Variants in PRKG1 observed in about 807,000 individuals in gnomAD.
PRKG1 encodes the protein cGMP-dependent protein kinase 1.
A neutral mutation model predicts 88.1 loss-of-function variants in PRKG1; 35 were observed. The ratio of observed to expected loss-of-function variants is 0.40; its 90% CI spans 0.30 to 0.53. The LOEUF (loss-of-function observed/expected upper bound fraction) is 0.53, where lower values mean the gene tolerates loss of function less well. Among genes scored for constraint, PRKG1 ranks in the 20% least tolerant of loss-of-function variants. PRKG1 has a pLI of 0.59. For synonymous variants in PRKG1, 303 were observed against 292.5 expected, an observed-to-expected ratio of 1.04 and a Z score of -0.37; for missense variants, 540 against 839.8, an observed-to-expected ratio of 0.64 and a Z score of 4.41.
intron 5 of PRKG1, among the ~76,000 whole-genome samples, chr10:51,936,718 C>T (rs1842807184): frequency 6.6e-6 from 1 of 151,946 alleles, no homozygotes; most frequent in Admixed American, 6.6e-5. Flanking sequence ...GGCTTAAAAA[C>T]AATTTTTTTA....
chr10:51,827,239 T>C (rs1472447954), intron 4 of PRKG1, among the ~76,000 whole-genome samples: 1 of 152,182 alleles, frequency 6.6e-6, no homozygotes, highest in Non-Finnish European at 1.5e-5. Context: ...CTGACAAGAT[T>C]ATCATACAAA....
intron 9 of PRKG1, among the ~76,000 whole-genome samples, chr10:52,171,877 A>C (rs112626889): frequency 0.04 from 5,395 of 133,310 alleles, 385 homozygotes; most frequent in African/African-American, 0.15. Context: ...ATCTCGGCTC[A>C]CTGCAAGCTC....
chr10:51,334,144 C>G (rs1841808746), intron 2 of PRKG1, among the ~76,000 whole-genome samples: 1 of 95,874 alleles, frequency 1.0e-5, no homozygotes, highest in South Asian at 4.4e-4. Context: ...CTTTCTTTCT[C>G]TCTCTCTTTC....
chr10:51,153,137 C>T (rs760614805), intron 1 of PRKG1, 27 bp from the exon 2 acceptor site: 1 of 1,603,562 alleles, frequency 6.2e-7, no homozygotes, highest in African/African-American at 1.3e-5. Context: ...TCAGATGTGC[C>T]AGTAAATCTT....
intron 2 of PRKG1, among the ~76,000 whole-genome samples, chr10:51,231,441 T>G (rs1477733968): frequency 6.6e-6 from 1 of 152,180 alleles, no homozygotes; most frequent in African/African-American, 2.4e-5. Context: ...GGCTGTCCCC[T>G]GAGGAGGAGG....
At chr10:51,212,455 A>G (rs1838248820) in intron 2 of PRKG1, among the ~76,000 whole-genome samples, 1 of 152,212 alleles carries the variant, frequency 6.6e-6, no homozygotes. Context: ...CAAAAGCCAA[A>G]ATTGACAAAT....
chr10:51,316,480 A>G (rs7917698), intron 2 of PRKG1, among the ~76,000 whole-genome samples: 45,565 of 151,832 alleles, frequency 0.3, 8,427 homozygotes, highest in African/African-American at 0.53. Context: ...TCAGGAGTTC[A>G]AGACCAGCCT....
rs140871298 is a variant in PRKG1, at chr10:51,153,247, A to G, written c.395A>G (p.Asp132Gly). 2.3e-5 allele frequency: 37 copies of G among 1,612,466 alleles called. No homozygotes were observed. The highest frequency in any genetic ancestry group is 5.0e-5 in the Admixed American group (3 of 59,836). ...LELSQIQEIVDCMYPVEYGKD... is the reference protein window; with the variant it reads ...LELSQIQEIVGCMYPVEYGKD... ...CTGTCGCAGATCCAGGAGATTGTGGATTGTATGTACCCGGTGGAGTATGGC... is the reference window on the plus strand; with the variant it reads ...CTGTCGCAGATCCAGGAGATTGTGGGTTGTATGTACCCGGTGGAGTATGGC... Residue 132 changes from aspartate (D) to glycine (G), a missense_variant, in exon 2 of 18, where the codon GAT becomes GGT. Around this residue, in one of 5 missense-constraint regions of PRKG1, gnomAD observed 400 missense variants for 562.7 expected, o/e 0.71. Transcript: ENST00000373980.
chr10:51,538,487 AT>A (rs1842220632), intron 3 of PRKG1, among the ~76,000 whole-genome samples: 1 of 149,010 alleles, frequency 6.7e-6, no homozygotes, highest in Non-Finnish European at 1.5e-5. Context: ...CACATTATAT[AT>A]TCATGATATT....
intron 2 of PRKG1, among the ~76,000 whole-genome samples, chr10:51,355,756 A>C (rs1310656942): frequency 6.6e-6 from 1 of 152,010 alleles, no homozygotes; most frequent in Non-Finnish European, 1.5e-5. Flanking sequence ...ATTATAAGAT[A>C]AATTAAAAAT....
intron 7 of PRKG1, among the ~76,000 whole-genome samples, chr10:52,127,428 G>A (rs1195372165): frequency 6.6e-6 from 1 of 152,130 alleles, no homozygotes; most frequent in Non-Finnish European, 1.5e-5. Flanking sequence ...ACGTCATAGT[G>A]TTATGTGAGT....
intron 3 of PRKG1, among the ~76,000 whole-genome samples, chr10:51,469,286 A>G (rs142084214): frequency 2.0e-5 from 3 of 151,996 alleles, no homozygotes; most frequent in South Asian, 2.1e-4. Flanking sequence ...ATATCTCAGT[A>G]TTATAAGTAT....
At chr10:51,180,903 G>A (rs1388049634) in intron 2 of PRKG1, among the ~76,000 whole-genome samples, 1 of 152,110 alleles carries the variant, frequency 6.6e-6, no homozygotes, top group Non-Finnish European at 1.5e-5. Flanking sequence ...ATTTCTGTAA[G>A]TACTCAAAAA....
At chr10:51,581,422 A>T (rs567456755) in intron 3 of PRKG1, among the ~76,000 whole-genome samples, 1 of 152,238 alleles carries the variant, frequency 6.6e-6, no homozygotes, top group African/African-American at 2.4e-5. Flanking sequence ...AGAGGCCTAG[A>T]ATAGCCATGG....
At chr10:51,849,985 A>G (rs1840503162) in intron 4 of PRKG1, among the ~76,000 whole-genome samples, 1 of 152,208 alleles carries the variant, frequency 6.6e-6, no homozygotes. Flanking sequence ...AGTCATTTGG[A>G]AAGAGAAAAA....
At chr10:52,109,113 A>T (rs1325333686) in intron 7 of PRKG1, among the ~76,000 whole-genome samples, 2 of 152,162 alleles carry the variant, frequency 1.3e-5, no homozygotes, top group African/African-American at 4.8e-5. Flanking sequence ...GGTGTGAGCC[A>T]CTGCGCCAGG....
chr10:51,469,398 T>C (rs1839988155), intron 3 of PRKG1, among the ~76,000 whole-genome samples: 2 of 151,828 alleles, frequency 1.3e-5, no homozygotes, highest in Non-Finnish European at 2.9e-5. Context: ...AAGCCAACAG[T>C]TGGTAATAAC....
intron 2 of PRKG1, among the ~76,000 whole-genome samples, chr10:51,347,142 A>C (rs1842131338): frequency 6.6e-6 from 1 of 151,960 alleles, no homozygotes. Context: ...TTCTACCACC[A>C]AGACAATTTA....
At chr10:51,145,488 G>C (rs372743616) in intron 1 of PRKG1, among the ~76,000 whole-genome samples, 4 of 152,104 alleles carry the variant, frequency 2.6e-5, no homozygotes, top group African/African-American at 9.7e-5. Context: ...CTCAGGCAAG[G>C]CACTTTACGT....
Sources: allele counts gnomAD v4.1 joint callset (sites outside exome capture counted in the v4.1 genomes callset), GRCh38; gene constraint gnomAD v4.1.1; regional missense constraint gnomAD v4.1.1; transcripts MANE v1.5; gene names NCBI Gene and HGNC (gene_info 2026-07-23, HGNC 2026-07-21).